TRPC4AP: variants seen among roughly 807,000 people sequenced by gnomAD.
TRPC4AP encodes the protein short transient receptor potential channel 4-associated protein.
Under a neutral mutation model 99.0 loss-of-function variants are expected in TRPC4AP, and 45 were observed. That is an observed-to-expected ratio of 0.45 (90% confidence interval 0.36 to 0.58). The LOEUF is 0.58. Among genes scored for constraint, TRPC4AP ranks in the 20% least tolerant of loss-of-function variants. The probability of loss-of-function intolerance (pLI) is 0.00; values close to 1 mark genes in which losing one functional copy is unlikely to be tolerated. For missense variants in TRPC4AP, 879 were observed against 985.3 expected (o/e 0.89, Z 1.44); for synonymous variants, 408 against 385.8 (o/e 1.06, Z -0.67).
At chr20:35,069,111 A>T (rs1401686367) in intron 3 of TRPC4AP, among the ~76,000 whole-genome samples, 185 bp downstream of exon 3, 1 of 152,220 alleles carries the variant, frequency 6.6e-6, no homozygotes, top group Non-Finnish European at 1.5e-5. Context: ...ACACCAATTT[A>T]AATAAATGAA....
At chr20:35,060,562 G>A (rs1290829976) in intron 3 of TRPC4AP, among the ~76,000 whole-genome samples, 2 of 134,588 alleles carry the variant, frequency 1.5e-5, no homozygotes, top group Non-Finnish European at 3.1e-5. Flanking sequence ...ATTCCAGCCT[G>A]GGTGACAGAG....
intron 1 of TRPC4AP, among the ~76,000 whole-genome samples, chr20:35,079,146 G>A (rs1372247653): frequency 6.6e-6 from 1 of 152,074 alleles, no homozygotes; most frequent in Non-Finnish European, 1.5e-5. Context: ...AGAGAAAGCA[G>A]GCTTCATAAA....
At chr20:35,042,577 T>C (rs901452944) in intron 7 of TRPC4AP, among the ~76,000 whole-genome samples, 1 of 152,184 alleles carries the variant, frequency 6.6e-6, no homozygotes, top group East Asian at 1.9e-4. Flanking sequence ...TTTTACCTTG[T>C]TTATTTGGTG....
At chr20:35,027,340 T>C (rs2083056766) in intron 8 of TRPC4AP, among the ~76,000 whole-genome samples, 1 of 152,238 alleles carries the variant, frequency 6.6e-6, no homozygotes, top group Non-Finnish European at 1.5e-5. Context: ...ATTAACACAG[T>C]GTATTACATA....
At chr20:35,018,404 T>C (rs1325533975) in intron 9 of TRPC4AP, among the ~76,000 whole-genome samples, 1 of 152,064 alleles carries the variant, frequency 6.6e-6, no homozygotes, top group African/African-American at 2.4e-5. Flanking sequence ...CAGACCATCC[T>C]GGCCAACATG....
chr20:35,027,130 G>A (rs149490637), intron 8 of TRPC4AP, among the ~76,000 whole-genome samples: 2,136 of 152,188 alleles, frequency 0.014, 37 homozygotes, highest in African/African-American at 0.049. Flanking sequence ...TCAGGAACTC[G>A]TCTTGTTCCT....
intron 1 of TRPC4AP, among the ~76,000 whole-genome samples, chr20:35,079,434 A>G (rs555045543): frequency 1.3e-5 from 2 of 152,348 alleles, no homozygotes; most frequent in African/African-American, 4.8e-5. Flanking sequence ...ATAATAGAAA[A>G]GAAGAAATAT....
intron 3 of TRPC4AP, among the ~76,000 whole-genome samples, chr20:35,058,272 G>T (rs952691975): frequency 1.3e-5 from 2 of 152,212 alleles, no homozygotes; most frequent in African/African-American, 4.8e-5. Flanking sequence ...GACGAGCAAA[G>T]AAATAGAAGA....
Position 35,002,989 on chromosome 20 carries a change from C to T in TRPC4AP, c.*157G>A. The T allele has an allele frequency of 3.8e-6, 4 of 1,042,132 alleles. No individual in the cohort carries two copies. Among genetic ancestry groups the T allele is most frequent in the African/African-American group, 1.6e-5 (1 of 62,506 alleles). The allele number at this position is 1,042,132 out of a possible 1,614,324, so 64.6% of individuals were successfully genotyped here. On this transcript the variant is annotated 3_prime_UTR_variant, in exon 19 of 19. Transcript: ENST00000252015. The stretch of plus-strand genomic sequence containing the variant: ...CCTAGGGCCCTCAGACCCAGGGGGA[C>T]CAAGGGCTTCTAGGACTTCCCTCCC...
chr20:35,017,222 C>T (rs2082774846), intron 9 of TRPC4AP, among the ~76,000 whole-genome samples: 2 of 151,998 alleles, frequency 1.3e-5, no homozygotes, highest in Admixed American at 1.3e-4. Flanking sequence ...GAACAATTGC[C>T]GAGAGATAAT....
chr20:35,014,828 G>T, intron 10 of TRPC4AP, among the ~76,000 whole-genome samples: 1 of 152,130 alleles, frequency 6.6e-6, no homozygotes, highest in East Asian at 1.9e-4. Flanking sequence ...TAGCCGGGGG[G>T]CCAATAGGGG....
chr20:35,080,185 C>T (rs1284521021), intron 1 of TRPC4AP, among the ~76,000 whole-genome samples: 2 of 151,888 alleles, frequency 1.3e-5, no homozygotes, highest in African/African-American at 4.8e-5. Flanking sequence ...GACCATTATG[C>T]TAAATCAAAG....
intron 8 of TRPC4AP, among the ~76,000 whole-genome samples, chr20:35,026,408 G>T (rs2083033012): frequency 6.6e-6 from 1 of 152,088 alleles, no homozygotes; most frequent in South Asian, 2.1e-4. Flanking sequence ...AGAGACAGGG[G>T]TCTCACTATG....
Position 35,002,619 on chromosome 20 carries a change from A to G in TRPC4AP, c.*527T>C, listed in dbSNP as rs1488670896. 2 of 174,440 alleles carry G rather than the reference A, an allele frequency of 1.1e-5. No individual in the cohort carries two copies. The highest frequency in any genetic ancestry group is 2.4e-5 in the African/African-American group (1 of 42,252). The allele number at this position is 174,440 out of a possible 1,614,324, so 10.8% of individuals were successfully genotyped here. A position where few individuals can be genotyped will look rare whatever the true frequency, so the allele number is the denominator to read the frequency against. ...CCCCCTTGGATGAACACAGCGGCCA[A>G]TGAGCAAACAGAACCAGAGGAGCTA... On this transcript the variant is annotated 3_prime_UTR_variant, in exon 19 of 19. Coordinates refer to ENST00000252015, the MANE Select transcript of TRPC4AP (RefSeq NM_015638.3).
At position 35,021,338 on chromosome 20, in the gene TRPC4AP, G is replaced by A. The variant is rs778125704; in HGVS notation, c.1070C>T (p.Pro357Leu). Reference protein sequence around the residue: ...EHNQASIVFPPPGASEENGLP... With the variant: ...EHNQASIVFPLPGASEENGLP... ...GCCATTCTCCTCAGAAGCCCCTGGA[G>A]GAGGGAACACAATGGAGGCTGACAC... is the stretch of plus-strand genomic sequence containing the variant. The change falls in exon 9 of 19, where the codon CCT (proline) becomes CTT (leucine). Residue 357 changes from proline (P) to leucine (L), a missense_variant. Physicochemically the swap from Pro to Leu is moderately conservative, Grantham distance 98 (BLOSUM62 -3). Coordinates refer to ENST00000252015, the MANE Select transcript of TRPC4AP (RefSeq NM_015638.3). 1.2e-6 allele frequency: 2 copies of A among 1,614,062 alleles called. No homozygotes were observed. Among genetic ancestry groups the A allele is most frequent in the Non-Finnish European group, 1.7e-6 (2 of 1,179,974 alleles).
Position 35,084,611 on chromosome 20 carries a change from T to C in TRPC4AP, c.169-6437A>G, listed in dbSNP as rs996014084. 7.4e-5 allele frequency among the ~76,000 whole-genome samples: 8 copies of C among 108,024 alleles called. 1 individual carries two copies. Among genetic ancestry groups the C allele is most frequent in the Admixed American group, 2.9e-4 (3 of 10,296 alleles). 70.9% of individuals were successfully genotyped at this position (108,024 alleles called of 152,430 possible). On this transcript the variant is annotated intron_variant, in intron 1 of 18. Transcript: ENST00000252015. ...TTATATGCATATATGTGTATATGTA[T>C]ATATGTTTATATGCATATATGTGTA...
Position 35,005,732 on chromosome 20 carries a change from CAG to C in TRPC4AP, c.1897_1898del (p.Leu633ValfsTer6). On this transcript the variant is annotated frameshift_variant, in exon 16 of 19. Transcript: ENST00000252015. LOFTEE classifies it high-confidence loss of function. ...CCTGGTTTTCAAATCGGTCCAGGGA[CAG>C]AGTGACACAGCGCACCAGCATGTTG... is the stretch of plus-strand genomic sequence containing the variant. ...DSNMLVRCVT[L>X]SLDRFENQVD... 1 of 1,614,190 alleles carries C rather than the reference CAG, an allele frequency of 6.2e-7. No individual in the cohort carries two copies.
intron 3 of TRPC4AP, among the ~76,000 whole-genome samples, chr20:35,060,355 G>A (rs1270198724): frequency 6.6e-6 from 1 of 152,070 alleles, no homozygotes; most frequent in Non-Finnish European, 1.5e-5. Context: ...GAGACGTCAA[G>A]GCAGGAGGAC....
chr20:35,030,378 T>C (rs2083159074), intron 8 of TRPC4AP: 1 of 152,176 alleles, frequency 6.6e-6, no homozygotes, highest in African/African-American at 2.4e-5. Context: ...TGCTAATCTC[T>C]GTACTGTTCC....
Sources: gnomAD v4.1 joint callset for allele counts (sites outside exome capture counted in the v4.1 genomes callset) on GRCh38, gnomAD v4.1.1 for gene constraint, MANE v1.5 for transcripts, NCBI Gene and HGNC (gene_info 2026-07-23, HGNC 2026-07-21) for gene names.